Variants in CRPPA observed in about 807,000 individuals in gnomAD.
The protein encoded by CRPPA is CDP-L-ribitol pyrophosphorylase A.
Under a neutral mutation model 52.0 loss-of-function variants are expected in CRPPA, and 43 were observed. That is an observed-to-expected ratio of 0.83 (90% CI 0.65 to 1.07). The LOEUF (loss-of-function observed/expected upper bound fraction) is 1.07, where lower values mean the gene tolerates loss of function less well. CRPPA is among the 50% of genes least tolerant of loss of function. The pLI, the probability that CRPPA is intolerant of heterozygous loss-of-function variation, is 0.00. For missense variants in CRPPA, 629 were observed against 551.7 expected, an observed-to-expected ratio of 1.14 and a Z score of -1.40; for synonymous variants, 250 against 203.5, an observed-to-expected ratio of 1.23 and a Z score of -1.94.
intron 1 of CRPPA, among the ~76,000 whole-genome samples, chr7:16,418,589 C>G (rs1202629199): frequency 6.6e-6 from 1 of 152,122 alleles, no homozygotes; most frequent in East Asian, 1.9e-4. Context: ...CTTCACAAGG[C>G]AGCAGGAAGG....
chr7:16,396,839 T>G (rs1387313720), intron 2 of CRPPA, among the ~76,000 whole-genome samples: 2 of 152,234 alleles, frequency 1.3e-5, no homozygotes, highest in Non-Finnish European at 2.9e-5. Flanking sequence ...ACGCTATACG[T>G]ATGTGACACG....
At chr7:16,138,603 G>C (rs1474361779) in intron 9 of CRPPA, among the ~76,000 whole-genome samples, 1 of 152,010 alleles carries the variant, frequency 6.6e-6, no homozygotes, top group Non-Finnish European at 1.5e-5. Context: ...TAAAAACAGG[G>C]AAAAAATGTA....
intron 5 of CRPPA, among the ~76,000 whole-genome samples, chr7:16,285,949 G>A (rs1309830252): frequency 7.4e-6 from 1 of 135,284 alleles, no homozygotes; most frequent in Non-Finnish European, 1.6e-5. Flanking sequence ...GAACCTGGGA[G>A]GCAGAGATTG....
intron 3 of CRPPA, among the ~76,000 whole-genome samples, chr7:16,341,997 T>C (rs1165463758): frequency 6.6e-6 from 1 of 152,160 alleles, no homozygotes; most frequent in African/African-American, 2.4e-5. Context: ...AACCTTTCTA[T>C]TGGTTTCTCA....
chr7:16,129,244 C>T (rs145863725), intron 9 of CRPPA, among the ~76,000 whole-genome samples: 1 of 152,160 alleles, frequency 6.6e-6, no homozygotes, highest in Admixed American at 6.5e-5. Flanking sequence ...CTCTCTTCTA[C>T]CTTCAGATCT....
chr7:16,244,545 T>A (rs546743241), intron 8 of CRPPA, among the ~76,000 whole-genome samples: 1 of 152,192 alleles, frequency 6.6e-6, no homozygotes, highest in Non-Finnish European at 1.5e-5. Flanking sequence ...ATCAGTATTG[T>A]ATGCTGAAAC....
intron 9 of CRPPA, among the ~76,000 whole-genome samples, chr7:16,179,911 A>G (rs571850032): frequency 6.6e-6 from 1 of 152,270 alleles, no homozygotes; most frequent in African/African-American, 2.4e-5. Context: ...AGCATCCATT[A>G]TATTTTGTTA....
intron 8 of CRPPA, among the ~76,000 whole-genome samples, chr7:16,233,477 T>C (rs1022702145): frequency 2.0e-5 from 3 of 152,176 alleles, no homozygotes; most frequent in Non-Finnish European, 4.4e-5. Context: ...ATAATGGTTT[T>C]TGTAATTAAA....
At chr7:16,290,269 G>A (rs901846445) in intron 5 of CRPPA, among the ~76,000 whole-genome samples, 1 of 151,434 alleles carries the variant, frequency 6.6e-6, no homozygotes, top group Non-Finnish European at 1.5e-5. Flanking sequence ...AAATACCAAT[G>A]ATATCCTTCA....
chr7:16,345,706 G>C (rs1223327568), intron 3 of CRPPA, among the ~76,000 whole-genome samples: 1 of 151,988 alleles, frequency 6.6e-6, no homozygotes, highest in East Asian at 1.9e-4. Context: ...GGCTATACTT[G>C]ACCCTCAAGC....
chr7:16,105,036 A>G (rs1011804752), intron 9 of CRPPA, among the ~76,000 whole-genome samples: 1 of 152,234 alleles, frequency 6.6e-6, no homozygotes, highest in Admixed American at 6.5e-5. Context: ...AAACAGTGAC[A>G]GAAACATCAA....
At chr7:16,111,093 T>TA (rs1041333481) in intron 9 of CRPPA, among the ~76,000 whole-genome samples, 6 of 148,244 alleles carry the variant, frequency 4.0e-5, no homozygotes, top group Admixed American at 6.7e-5. Context: ...AGCAAACAAT[T>TA]AAAAAAAAAT....
rs1781772915 is a variant in CRPPA at position 16,197,905 on chromosome 7, G to A, written c.1251+18161C>T. On this transcript the variant is annotated intron_variant, in intron 9 of 9. Coordinates refer to ENST00000407010, the MANE Select transcript of CRPPA (RefSeq NM_001101426.4). ...TGCTGTGTCAACTCAGAGTTAAATGGATTAAGGGCGGTGCAGGATGTGCTT... is the reference window on the plus strand; with the variant it reads ...TGCTGTGTCAACTCAGAGTTAAATGAATTAAGGGCGGTGCAGGATGTGCTT... Among the ~76,000 whole-genome samples, 3 of 149,386 alleles carry A rather than the reference G, an allele frequency of 2.0e-5. 1 individual carries two copies. Among genetic ancestry groups the A allele is most frequent in the African/African-American group, 7.4e-5 (3 of 40,300 alleles).
intron 3 of CRPPA, among the ~76,000 whole-genome samples, chr7:16,359,360 G>A (rs1030827613): frequency 2.6e-5 from 4 of 152,130 alleles, no homozygotes; most frequent in Admixed American, 2.0e-4. Context: ...AATTCACAGC[G>A]TGATCACAAG....
At chr7:16,246,868 T>C (rs538813787) in intron 8 of CRPPA, among the ~76,000 whole-genome samples, 7 of 152,322 alleles carry the variant, frequency 4.6e-5, no homozygotes, top group South Asian at 2.1e-4. Context: ...TTAAGGGTCC[T>C]AGGATTTTCA....
intron 1 of CRPPA, among the ~76,000 whole-genome samples, chr7:16,420,499 A>C (rs1180506382): frequency 1.3e-5 from 2 of 152,150 alleles, no homozygotes; most frequent in African/African-American, 2.4e-5. Context: ...TTCTAAGATA[A>C]AGGGGGTATG....
rs1265327245 is a variant in CRPPA, at chr7:16,089,246, ATATG to A, written c.*2445_*2448del. On this transcript the variant is annotated 3_prime_UTR_variant, in exon 10 of 10. Coordinates refer to ENST00000407010, the MANE Select transcript of CRPPA (RefSeq NM_001101426.4). ...TGTGTGTATGCGTACGTATATACAT[ATATG>A]TGTGTATGCGTACGTATATACATAT... The A allele has an allele frequency of 2.0e-4, 73 of 369,504 alleles. No individual in the cohort carries two copies. The highest frequency in any genetic ancestry group is 1.4e-3 in the African/African-American group (67 of 47,704). The allele number at this position is 369,504 out of a possible 1,614,324, so 22.9% of individuals were successfully genotyped here.
intron 9 of CRPPA, among the ~76,000 whole-genome samples, chr7:16,140,792 C>T (rs1782854494): frequency 6.6e-6 from 1 of 152,158 alleles, no homozygotes; most frequent in African/African-American, 2.4e-5. Flanking sequence ...TAAATTTCTG[C>T]CATTTCTTAC....
intron 9 of CRPPA, among the ~76,000 whole-genome samples, chr7:16,214,902 T>C (rs1033135858): frequency 2.6e-5 from 4 of 152,230 alleles, no homozygotes; most frequent in Non-Finnish European, 5.9e-5. Context: ...GGGCCTTGGC[T>C]GTCCTGACTT....
Sources: gnomAD v4.1 joint callset for allele counts (sites outside exome capture counted in the v4.1 genomes callset) on GRCh38, gnomAD v4.1.1 for gene constraint, MANE v1.5 for transcripts, NCBI Gene and HGNC (gene_info 2026-07-23, HGNC 2026-07-21) for gene names.